Variants in CNTNAP2 observed in about 807,000 individuals in gnomAD.
CNTNAP2 encodes contactin associated protein 2.
In CNTNAP2, 98 loss-of-function variants were observed where a neutral mutation model predicts 155.2. The observed-to-expected ratio is 0.63, with a 90% CI of 0.54 to 0.75. The LOEUF (loss-of-function observed/expected upper bound fraction) is 0.75. CNTNAP2 is among the 30% of genes least tolerant of loss of function. The probability of loss-of-function intolerance (pLI) is 0.00; values close to 1 mark genes in which losing one functional copy is unlikely to be tolerated. For missense variants in CNTNAP2, 1,727 were observed against 1,688.1 expected (o/e 1.02, Z -0.40); for synonymous variants, 651 against 631.2 (o/e 1.03, Z -0.47).
At chr7:148,215,073 C>T (rs1044983419) in intron 18 of CNTNAP2, among the ~76,000 whole-genome samples, 1 of 152,130 alleles carries the variant, frequency 6.6e-6, no homozygotes, top group Non-Finnish European at 1.5e-5. Context: ...TAAGTCTTTT[C>T]CTTACAACTT....
chr7:148,388,388 T>C (rs578247103), intron 22 of CNTNAP2, among the ~76,000 whole-genome samples: 130 of 148,204 alleles, frequency 8.8e-4, no homozygotes, highest in Non-Finnish European at 1.5e-3. Context: ...AGTGAGAACA[T>C]GCGGTGTTTG....
chr7:146,534,260 G>A (rs970090049), intron 1 of CNTNAP2, among the ~76,000 whole-genome samples: 2 of 152,140 alleles, frequency 1.3e-5, no homozygotes, highest in South Asian at 2.1e-4. Flanking sequence ...ATACTTTCTC[G>A]TATTCTGGGT....
intron 1 of CNTNAP2, among the ~76,000 whole-genome samples, chr7:146,540,081 A>C (rs571475305): frequency 6.6e-6 from 1 of 152,136 alleles, no homozygotes; most frequent in South Asian, 2.1e-4. Context: ...AGAGTTTAGA[A>C]CTTAATAGCT....
At chr7:147,948,692 G>A (rs1800865178) in intron 14 of CNTNAP2, among the ~76,000 whole-genome samples, 1 of 149,622 alleles carries the variant, frequency 6.7e-6, no homozygotes, top group African/African-American at 2.5e-5. Flanking sequence ...TATATATACA[G>A]TTGACCCTTG....
intron 21 of CNTNAP2, among the ~76,000 whole-genome samples, chr7:148,383,238 G>T (rs556572412): frequency 1.2e-4 from 18 of 145,152 alleles, no homozygotes; most frequent in Admixed American, 2.8e-4. Context: ...ATAAGTAAGA[G>T]ATCTAAAACA....
intron 1 of CNTNAP2, among the ~76,000 whole-genome samples, chr7:146,157,979 C>A (rs969381732): frequency 6.6e-6 from 1 of 152,184 alleles, no homozygotes; most frequent in Admixed American, 6.5e-5. Context: ...CTAGGAGACA[C>A]CTCCCAGTAG....
intron 1 of CNTNAP2, among the ~76,000 whole-genome samples, chr7:146,650,501 C>A (rs1004547344): frequency 2.0e-5 from 3 of 151,814 alleles, no homozygotes; most frequent in Non-Finnish European, 4.4e-5. Flanking sequence ...AATGAGAACA[C>A]ATGGACACAG....
intron 1 of CNTNAP2, among the ~76,000 whole-genome samples, chr7:146,425,898 A>G (rs1283187048): frequency 1.3e-5 from 2 of 151,940 alleles, no homozygotes; most frequent in Admixed American, 1.3e-4. Context: ...TAAAAAAACA[A>G]AAAAAGGCTG....
At chr7:146,827,149 T>C (rs187026782) in intron 2 of CNTNAP2, among the ~76,000 whole-genome samples, 4 of 152,216 alleles carry the variant, frequency 2.6e-5, no homozygotes, top group Admixed American at 1.3e-4. Context: ...ATTCATTTTT[T>C]ACTTTATTCT....
intron 1 of CNTNAP2, among the ~76,000 whole-genome samples, chr7:146,625,625 T>A (rs930245847): frequency 1.3e-5 from 2 of 152,040 alleles, no homozygotes; most frequent in Non-Finnish European, 2.9e-5. Context: ...ATTTTAAGAA[T>A]TCTGAAATGT....
intron 13 of CNTNAP2, among the ~76,000 whole-genome samples, chr7:147,775,933 T>C (rs186958252): frequency 8.7e-4 from 133 of 152,284 alleles, no homozygotes; most frequent in African/African-American, 3.1e-3. Flanking sequence ...GCTGAAATAA[T>C]GAGGGAATGG....
intron 1 of CNTNAP2, among the ~76,000 whole-genome samples, chr7:146,668,629 G>A (rs771347585): frequency 1.8e-4 from 28 of 152,064 alleles, no homozygotes; most frequent in Non-Finnish European, 3.7e-4. Flanking sequence ...ATCCAGTTAA[G>A]TACTTTTCTT....
At chr7:146,128,811 GTAT>G (rs1409941947) in intron 1 of CNTNAP2, among the ~76,000 whole-genome samples, 2 of 152,110 alleles carry the variant, frequency 1.3e-5, no homozygotes, top group Non-Finnish European at 2.9e-5. Flanking sequence ...ATACTAAGAA[GTAT>G]TATAATTGTA....
At chr7:148,260,114 C>T (rs1477075704) in intron 20 of CNTNAP2, among the ~76,000 whole-genome samples, 2 of 152,148 alleles carry the variant, frequency 1.3e-5, no homozygotes, top group Admixed American at 6.5e-5. Context: ...CCTGGCAATA[C>T]GAGTGAAATC....
chr7:146,322,025 G>T (rs1801012556), intron 1 of CNTNAP2, among the ~76,000 whole-genome samples: 1 of 152,076 alleles, frequency 6.6e-6, no homozygotes, highest in African/African-American at 2.4e-5. Flanking sequence ...TACAGGTCAT[G>T]GACCTTGGAG....
chr7:148,065,477 G>A (rs910131752), intron 15 of CNTNAP2, among the ~76,000 whole-genome samples: 3 of 152,066 alleles, frequency 2.0e-5, no homozygotes, highest in Non-Finnish European at 2.9e-5. Flanking sequence ...CCAGTGTTAG[G>A]TGCATATATA....
intron 4 of CNTNAP2, among the ~76,000 whole-genome samples, chr7:147,067,778 C>G (rs1584816047): frequency 6.6e-6 from 1 of 152,214 alleles, no homozygotes; most frequent in South Asian, 2.1e-4. Context: ...TGTTGAGTAT[C>G]TTATGAAGTC....
chr7:147,503,137 C>G (rs1320511977), intron 11 of CNTNAP2, among the ~76,000 whole-genome samples: 2 of 152,106 alleles, frequency 1.3e-5, no homozygotes, highest in Non-Finnish European at 2.9e-5. Context: ...GCCCACGCTC[C>G]CCTTGAAATT....
intron 21 of CNTNAP2, among the ~76,000 whole-genome samples, chr7:148,364,329 C>T (rs1798688600): frequency 6.6e-6 from 1 of 152,232 alleles, no homozygotes; most frequent in African/African-American, 2.4e-5. Flanking sequence ...TGTAAATACA[C>T]CAATCGGGAC....
Sources: allele counts gnomAD v4.1 joint callset (sites outside exome capture counted in the v4.1 genomes callset), GRCh38; gene constraint gnomAD v4.1.1; transcripts MANE v1.5; gene names NCBI Gene and HGNC (gene_info 2026-07-23, HGNC 2026-07-21).